The following ASCC3 variants were observed in gnomAD, a reference collection of about 807,000 sequenced individuals.
The protein encoded by ASCC3 is ASC-1 complex subunit P200.
A neutral mutation model predicts 256.3 loss-of-function variants in ASCC3; 158 were observed. That is an observed-to-expected ratio of 0.62 (90% CI 0.54 to 0.70). ASCC3 has a LOEUF of 0.70. Among genes scored for constraint, ASCC3 ranks in the 30% least tolerant of loss-of-function variants. The probability of loss-of-function intolerance (pLI) is 0.00; values close to 1 mark genes in which losing one functional copy is unlikely to be tolerated. For missense variants in ASCC3, 2,259 were observed against 2,626.0 expected (o/e 0.86, Z 3.05); for synonymous variants, 948 against 883.4 (o/e 1.07, Z -1.30).
intron 13 of ASCC3, among the ~76,000 whole-genome samples, chr6:100,707,630 G>A (rs1778665752): frequency 1.3e-5 from 2 of 151,964 alleles, no homozygotes; most frequent in African/African-American, 4.8e-5. Flanking sequence ...CTTTAATAGG[G>A]TAAAACAAAA....
At chr6:100,715,334 C>A (rs1453342332) in intron 13 of ASCC3, 128 bp downstream of exon 13, 5 of 738,906 alleles carry the variant, frequency 6.8e-6, no homozygotes, top group South Asian at 4.9e-5. Flanking sequence ...AGAATTAGAA[C>A]CTCTGAGTCA....
chr6:100,879,528 C>T (rs1450981473), intron 1 of ASCC3, among the ~76,000 whole-genome samples: 2 of 152,090 alleles, frequency 1.3e-5, no homozygotes, highest in African/African-American at 4.8e-5. Flanking sequence ...AAATGGGGCC[C>T]GTAATCCCAG....
intron 13 of ASCC3, among the ~76,000 whole-genome samples, chr6:100,705,005 T>C (rs939184005): frequency 6.6e-6 from 1 of 152,082 alleles, no homozygotes; most frequent in African/African-American, 2.4e-5. Flanking sequence ...GGGGAATTAT[T>C]AGCCGGAATG....
At position 100,583,119 on chromosome 6, in the gene ASCC3, T is replaced by G. The variant is rs1335222796; in HGVS notation, c.5550+6515A>C. The stretch of plus-strand genomic sequence containing the variant: ...GCCTCAGAAAATGAGTTAGGGAGGA[T>G]TCCCTCTTTTTCTATTGATTGGAAT... On this transcript the variant is annotated intron_variant, in intron 36 of 41. Transcript: ENST00000369162. Among the ~76,000 whole-genome samples, 4 of 152,178 alleles carry G rather than the reference T, an allele frequency of 2.6e-5. No individual in the cohort carries two copies. In the East Asian group the frequency reaches 5.8e-4, roughly 22 times the overall value.
chr6:100,670,843 T>C (rs1427975523), intron 14 of ASCC3, among the ~76,000 whole-genome samples: 1 of 151,986 alleles, frequency 6.6e-6, no homozygotes, highest in Admixed American at 6.6e-5. Context: ...ATGTATATCA[T>C]TGCAAGAGTA....
intron 4 of ASCC3, among the ~76,000 whole-genome samples, chr6:100,845,475 T>G (rs930358711): frequency 6.6e-6 from 1 of 152,134 alleles, no homozygotes; most frequent in African/African-American, 2.4e-5. Flanking sequence ...TAATCACATA[T>G]GGGAGAGGAG....
intron 4 of ASCC3, among the ~76,000 whole-genome samples, chr6:100,843,873 G>C (rs768097122): frequency 6.6e-6 from 1 of 151,558 alleles, no homozygotes; most frequent in Non-Finnish European, 1.5e-5. Context: ...TGACATATAA[G>C]GTATACACCT....
intron 4 of ASCC3, among the ~76,000 whole-genome samples, chr6:100,834,606 T>A (rs1025330753): frequency 2.6e-5 from 4 of 152,218 alleles, no homozygotes; most frequent in South Asian, 4.1e-4. Flanking sequence ...AAAAAGGAGA[T>A]AAGCATAGAA....
intron 5 of ASCC3, among the ~76,000 whole-genome samples, chr6:100,804,475 A>T (rs950798919): frequency 6.6e-6 from 1 of 152,126 alleles, no homozygotes; most frequent in African/African-American, 2.4e-5. Flanking sequence ...ACTTGTCAAC[A>T]GAGTAAACAG....
Position 100,671,634 on chromosome 6 carries a change from G to A in ASCC3, c.2286+7984C>T, listed in dbSNP as rs962834156. Among the ~76,000 whole-genome samples, 5 of 152,070 alleles carry A rather than the reference G, an allele frequency of 3.3e-5. No individual in the cohort carries two copies. In the South Asian group the frequency reaches 8.3e-4, roughly 25 times the overall value. The stretch of plus-strand genomic sequence containing the variant: ...GCTTTATAGTCAGTAAAACTCAAAC[G>A]GAATGGGCAACTGCTAAGATAATCC... On this transcript the variant is annotated intron_variant, in intron 14 of 41. Transcript: ENST00000369162.
rs1562160770 is a variant in ASCC3, at chr6:100,608,073, T to TATATATGTATATATCGATATACAC, written c.4786-986_4786-985insGTGTATATCGATATATACATATAT. On this transcript the variant is annotated intron_variant, in intron 30 of 41. Coordinates refer to ENST00000369162, the MANE Select transcript of ASCC3 (RefSeq NM_006828.4). ...ATACATATATACACATATATATACATATATATGTATATATATCTATATACA... is the reference window on the plus strand; with the variant it reads ...ATACATATATACACATATATATACATATATATGTATATATCGATATACACATATATGTATATATATCTATATACA... Among the ~76,000 whole-genome samples, 9 of 101,560 alleles carry TATATATGTATATATCGATATACAC rather than the reference T, an allele frequency of 8.9e-5. No homozygotes were observed. The South Asian group carries it at 1.8e-3, about 20-fold the overall frequency. The allele number at this position is 101,560 out of a possible 152,430, so 66.6% of individuals were successfully genotyped here.
chr6:100,740,322 C>T (rs9377193), intron 10 of ASCC3, among the ~76,000 whole-genome samples: 51,207 of 151,892 alleles, frequency 0.34, 10,184 homozygotes, highest in Middle Eastern at 0.51. Flanking sequence ...TCAGTTTTTA[C>T]GCATTTGTTG....
At chr6:100,554,702 T>A (rs1468561838) in intron 36 of ASCC3, among the ~76,000 whole-genome samples, 2 of 152,174 alleles carry the variant, frequency 1.3e-5, no homozygotes, top group African/African-American at 4.8e-5. Context: ...ATTTCCCTGA[T>A]AGGAATCCTG....
chr6:100,613,864 T>G (rs1163203199), intron 30 of ASCC3, among the ~76,000 whole-genome samples: 1 of 152,146 alleles, frequency 6.6e-6, no homozygotes, highest in Non-Finnish European at 1.5e-5. Flanking sequence ...TGGGGTAAAA[T>G]AATATCTCAT....
Position 100,803,125 on chromosome 6 carries a change from T to C in ASCC3, c.923-2621A>G, listed in dbSNP as rs542316745. Among the ~76,000 whole-genome samples, 20 of 152,262 alleles carry C rather than the reference T, an allele frequency of 1.3e-4. No homozygotes were observed. In the South Asian group the frequency reaches 4.1e-3, roughly 32 times the overall value. On this transcript the variant is annotated intron_variant, in intron 5 of 41. Transcript: ENST00000369162. ...CAGGACTAGATGTTTAAACTCATTT[T>C]TTTTCCTTAGCAGACACCCATTTTA...
At chr6:100,511,708 G>A (rs748009657) in intron 40 of ASCC3, among the ~76,000 whole-genome samples, 2 of 151,538 alleles carry the variant, frequency 1.3e-5, no homozygotes, top group Non-Finnish European at 2.9e-5. Context: ...GTGAGACTTC[G>A]TATCAAAAAA....
At chr6:100,814,411 G>A (rs369309708) in intron 4 of ASCC3, among the ~76,000 whole-genome samples, 1 of 152,010 alleles carries the variant, frequency 6.6e-6, no homozygotes, top group African/African-American at 2.4e-5. Context: ...TTTTGTTGTT[G>A]TTGTGTCTCA....
intron 13 of ASCC3, among the ~76,000 whole-genome samples, chr6:100,710,644 C>T (rs938126452): frequency 6.6e-6 from 1 of 152,076 alleles, no homozygotes; most frequent in Non-Finnish European, 1.5e-5. Flanking sequence ...TTAGTCCCTA[C>T]TACAGTGAGG....
chr6:100,860,659 C>CT (rs1472845555), intron 3 of ASCC3, among the ~76,000 whole-genome samples: 1 of 151,966 alleles, frequency 6.6e-6, no homozygotes, highest in Non-Finnish European at 1.5e-5. Context: ...CATTCACAGT[C>CT]TATCAGAGAC....
Sources: allele counts gnomAD v4.1 joint callset (sites outside exome capture counted in the v4.1 genomes callset), GRCh38; gene constraint gnomAD v4.1.1; transcripts MANE v1.5; gene names NCBI Gene and HGNC (gene_info 2026-07-23, HGNC 2026-07-21).